Variants in ROBO1 observed in about 807,000 individuals in gnomAD.
ROBO1 encodes roundabout guidance receptor 1, also known as roundabout homolog 1.
ROBO1 carries 149 observed loss-of-function variants against 195.9 expected under a neutral mutation model. The ratio of observed to expected loss-of-function variants is 0.76; its 90% confidence interval spans 0.67 to 0.87. The LOEUF (loss-of-function observed/expected upper bound fraction) is 0.87, where lower values mean the gene tolerates loss of function less well. Ranked by LOEUF, ROBO1 falls within the 40% of genes least tolerant of loss-of-function variation. The pLI is 0.00. For missense variants in ROBO1, 1,933 were observed against 2,068.3 expected, an observed-to-expected ratio of 0.93 and a Z score of 1.27; for synonymous variants, 816 against 733.2, an observed-to-expected ratio of 1.11 and a Z score of -1.82.
intron 26 of ROBO1, among the ~76,000 whole-genome samples, chr3:78,626,966 T>C (rs3773207): frequency 0.51 from 77,607 of 151,970 alleles, 20,057 homozygotes; most frequent in East Asian, 0.7. Context: ...ACCAAAGAAG[T>C]GACTTATTGA....
chr3:78,968,168 A>G (rs2076687159), intron 3 of ROBO1, among the ~76,000 whole-genome samples: 4 of 151,990 alleles, frequency 2.6e-5, no homozygotes, highest in African/African-American at 9.7e-5. Context: ...CCACTTTTCT[A>G]TGTCAATTTT....
In ROBO1 at chr3:79,322,567, G is replaced by A. The variant is rs577225649; in HGVS notation, c.89-197028C>T. On this transcript the variant is annotated intron_variant, in intron 2 of 30. Transcript: ENST00000464233. ...CCTGCTAGGAAAGACAACTAGGTGA[G>A]AGAGTGCAAATGGGATCCACAAATT... Among the ~76,000 whole-genome samples, 3 of 152,278 alleles carry A rather than the reference G, an allele frequency of 2.0e-5. No individual in the cohort carries two copies. In the East Asian group the frequency reaches 5.8e-4, roughly 29 times the overall value.
chr3:79,594,709 C>T (rs1415088501), intron 1 of ROBO1, among the ~76,000 whole-genome samples: 1 of 151,956 alleles, frequency 6.6e-6, no homozygotes, highest in Non-Finnish European at 1.5e-5. Flanking sequence ...AGAATAGCCA[C>T]ATCATTGGGT....
intron 2 of ROBO1, among the ~76,000 whole-genome samples, chr3:79,365,758 G>A (rs1251306217): frequency 1.3e-5 from 2 of 151,944 alleles, no homozygotes; most frequent in East Asian, 1.9e-4. Context: ...TTATCCGGGC[G>A]TGGTGGCGGG....
chr3:78,922,163 G>A (rs2038970791), intron 4 of ROBO1, among the ~76,000 whole-genome samples: 1 of 152,100 alleles, frequency 6.6e-6, no homozygotes, highest in Non-Finnish European at 1.5e-5. Context: ...TAGTTGCTGT[G>A]AGAAGATAAT....
intron 3 of ROBO1, among the ~76,000 whole-genome samples, chr3:79,125,186 T>C (rs115899950): frequency 7.0e-4 from 107 of 152,328 alleles, no homozygotes; most frequent in African/African-American, 2.5e-3. Context: ...ATACTAGCAG[T>C]ATCAAAGTTT....
At chr3:79,263,244 C>T (rs981412323) in intron 2 of ROBO1, among the ~76,000 whole-genome samples, 1 of 152,042 alleles carries the variant, frequency 6.6e-6, no homozygotes, top group Non-Finnish European at 1.5e-5. Flanking sequence ...AATTCACTAA[C>T]CTATGTACTC....
At chr3:79,238,087 T>A (rs1159309708) in intron 2 of ROBO1, among the ~76,000 whole-genome samples, 1 of 152,154 alleles carries the variant, frequency 6.6e-6, no homozygotes, top group East Asian at 1.9e-4. Flanking sequence ...GGAAATAAAA[T>A]TTGATCTAGC....
chr3:78,811,367 T>A (rs566710258), intron 4 of ROBO1, among the ~76,000 whole-genome samples: 1 of 152,304 alleles, frequency 6.6e-6, no homozygotes, highest in South Asian at 2.1e-4. Flanking sequence ...TTTCTGTAAT[T>A]CACTCTTTAA....
At position 79,620,166 on chromosome 3, in the gene ROBO1, C is replaced by T. The variant is rs139069237; in HGVS notation, c.-50-30205G>A. On this transcript the variant is annotated intron_variant, in intron 1 of 30. Coordinates refer to ENST00000464233, the MANE Select transcript of ROBO1 (RefSeq NM_002941.4). ...CCTCCTAAGCTGTGTCCCGTCTGTG[C>T]GGGACCCCACTGGAAATTGGACTGT... Among the ~76,000 whole-genome samples the T allele has an allele frequency of 4.6e-3, 700 of 152,292 alleles. 4 individuals carry two copies. Among genetic ancestry groups the T allele is most frequent in the African/African-American group, 0.016 (658 of 41,566 alleles).
Position 78,618,219 on chromosome 3 carries a change from C to T in ROBO1, c.3876-178G>A, listed in dbSNP as rs112184619. ...AAGTTTGATTTTATATTGAGTTGCA[C>T]TTCGCAACCAGAGGCTCCACCGGGT... On this transcript the variant is annotated intron_variant, in intron 26 of 30. Transcript: ENST00000464233. Among the ~76,000 whole-genome samples the T allele has an allele frequency of 3.9e-5, 6 of 152,224 alleles. 1 individual carries two copies. Among genetic ancestry groups the T allele is most frequent in the African/African-American group, 1.4e-4 (6 of 41,530 alleles).
At chr3:79,082,482 T>A (rs945745759) in intron 3 of ROBO1, among the ~76,000 whole-genome samples, 2 of 152,102 alleles carry the variant, frequency 1.3e-5, no homozygotes, top group Non-Finnish European at 2.9e-5. Context: ...TATATGATAA[T>A]CACCACATAG....
chr3:79,066,313 T>A (rs2079001983), intron 3 of ROBO1, among the ~76,000 whole-genome samples: 1 of 151,870 alleles, frequency 6.6e-6, no homozygotes, highest in South Asian at 2.1e-4. Flanking sequence ...ATTGGGGGGC[T>A]TCTCAGACGG....
chr3:79,477,918 G>A (rs73129054), intron 2 of ROBO1, among the ~76,000 whole-genome samples: 24,856 of 152,060 alleles, frequency 0.16, 2,808 homozygotes, highest in African/African-American at 0.33. Context: ...TTTAACATTA[G>A]CAAATTAAAC....
chr3:79,581,737 C>T (rs1326918525), intron 2 of ROBO1, among the ~76,000 whole-genome samples: 1 of 151,994 alleles, frequency 6.6e-6, no homozygotes, highest in Non-Finnish European at 1.5e-5. Context: ...CATATAAACA[C>T]ACACAGATAT....
At chr3:78,623,408 G>C (rs1158722052) in intron 26 of ROBO1, among the ~76,000 whole-genome samples, 3 of 152,148 alleles carry the variant, frequency 2.0e-5, no homozygotes, top group Non-Finnish European at 4.4e-5. Context: ...CTTATTCCAG[G>C]AACTAGAAGA....
At chr3:79,041,162 T>C (rs1021358052) in intron 3 of ROBO1, among the ~76,000 whole-genome samples, 2 of 152,212 alleles carry the variant, frequency 1.3e-5, no homozygotes, top group African/African-American at 2.4e-5. Flanking sequence ...AGGGATATGC[T>C]TGGGGGAAGT....
chr3:79,000,869 C>T (rs1176647328), intron 3 of ROBO1, among the ~76,000 whole-genome samples: 1 of 152,140 alleles, frequency 6.6e-6, no homozygotes, highest in Non-Finnish European at 1.5e-5. Context: ...TTGGAACTAA[C>T]CCAAATGCCC....
chr3:79,381,226 A>G (rs1018134399), intron 2 of ROBO1, among the ~76,000 whole-genome samples: 1 of 151,670 alleles, frequency 6.6e-6, no homozygotes, highest in Non-Finnish European at 1.5e-5. Context: ...GCGTGGAGGC[A>G]GGTGCCTGTA....
Sources: allele counts gnomAD v4.1 joint callset (sites outside exome capture counted in the v4.1 genomes callset), GRCh38; gene constraint gnomAD v4.1.1; transcripts MANE v1.5; gene names NCBI Gene and HGNC (gene_info 2026-07-23, HGNC 2026-07-21).